DMD: variants seen among roughly 807,000 people sequenced by gnomAD.
DMD encodes the protein mutant dystrophin.
Under a neutral mutation model 330.1 loss-of-function variants are expected in DMD, and 63 were observed. The observed-to-expected ratio is 0.19, with a 90% CI of 0.16 to 0.24. The LOEUF is 0.24. DMD is among the 10% of genes least tolerant of loss of function. DMD has a pLI of 1.00. For missense variants in DMD, 3,344 were observed against 2,684.1 expected, an observed-to-expected ratio of 1.25 and a Z score of -5.43; for synonymous variants, 1,223 against 959.8, an observed-to-expected ratio of 1.27 and a Z score of -5.07.
At chrX:32,495,631 A>T (rs772411633) in intron 19 of DMD, among the ~76,000 whole-genome samples, 1 of 112,055 alleles carries the variant, frequency 8.9e-6, no homozygotes, top group Non-Finnish European at 1.9e-5. Flanking sequence ...ATTTTCTAAG[A>T]AAGTCCATTA....
intron 45 of DMD, among the ~76,000 whole-genome samples, chrX:31,964,791 A>C (rs755199394): frequency 5.8e-4 from 64 of 110,935 alleles, no homozygotes; most frequent in Non-Finnish European, 8.7e-4. Context: ...ATATGTTTGA[A>C]ATTTTTCACA....
rs867039261 is a variant in DMD at position 33,009,659 on chromosome X, T to A, written c.93+10480A>T. Among the ~76,000 whole-genome samples, 2 of 39,835 alleles carry A rather than the reference T, an allele frequency of 5.0e-5. 1 individual carries two copies. Among genetic ancestry groups the A allele is most frequent in the Non-Finnish European group, 1.0e-4 (2 of 19,606 alleles). 34.6% of individuals were successfully genotyped at this position (39,835 alleles called of 115,157 possible). ...GTATATACACATATGTGTGTATACG[T>A]GTATATGTGTATACGTATATGTGTA... On this transcript the variant is annotated intron_variant, in intron 2 of 78. Coordinates refer to ENST00000357033, the MANE Select transcript of DMD (RefSeq NM_004006.3).
At chrX:32,836,609 T>G (rs1366832547) in intron 4 of DMD, among the ~76,000 whole-genome samples, 3 of 111,644 alleles carry the variant, frequency 2.7e-5, no homozygotes, top group Non-Finnish European at 3.8e-5. Flanking sequence ...TTGATTCAAT[T>G]TATCTTTTTA....
At chrX:32,662,952 C>T (rs1015219601) in intron 9 of DMD, among the ~76,000 whole-genome samples, 3 of 112,109 alleles carry the variant, frequency 2.7e-5, no homozygotes, top group Non-Finnish European at 5.6e-5. Flanking sequence ...TAGGTTTTGG[C>T]ATCCAACAGA....
intron 48 of DMD, among the ~76,000 whole-genome samples, chrX:31,870,467 T>C (rs1001290587): frequency 5.4e-5 from 6 of 111,781 alleles, no homozygotes; most frequent in Non-Finnish European, 9.4e-5. Flanking sequence ...AATAAGCACA[T>C]TGACTAACCT....
chrX:32,473,078 G>A (rs1261978821), intron 21 of DMD, among the ~76,000 whole-genome samples: 1 of 111,085 alleles, frequency 9.0e-6, no homozygotes, highest in Admixed American at 9.7e-5. Flanking sequence ...TATATGAAAT[G>A]TGACTTAAGC....
chrX:32,333,845 C>G (rs150838009), intron 41 of DMD, among the ~76,000 whole-genome samples: 2 of 111,707 alleles, frequency 1.8e-5, no homozygotes, highest in Non-Finnish European at 1.9e-5. Flanking sequence ...TCTTCCTAGC[C>G]ATTAGGCTCT....
intron 12 of DMD, among the ~76,000 whole-genome samples, chrX:32,611,995 G>C (rs2057213736): frequency 9.0e-6 from 1 of 111,542 alleles, no homozygotes; most frequent in Non-Finnish European, 1.9e-5. Flanking sequence ...CTGGCTTCTA[G>C]TGGGAGAAGT....
chrX:31,801,245 G>A (rs1017997901), intron 50 of DMD, among the ~76,000 whole-genome samples: 1 of 111,643 alleles, frequency 9.0e-6, no homozygotes, highest in South Asian at 3.7e-4. Flanking sequence ...TGATAGGAGA[G>A]AGAATGAGTG....
At chrX:33,143,862 G>C (rs1381978763) in intron 1 of DMD, among the ~76,000 whole-genome samples, 1 of 110,395 alleles carries the variant, frequency 9.1e-6, no homozygotes, top group Non-Finnish European at 1.9e-5. Context: ...GATAATACAG[G>C]GAAAAAAATA....
intron 9 of DMD, among the ~76,000 whole-genome samples, chrX:32,682,390 C>T (rs773460516): frequency 3.7e-4 from 41 of 111,446 alleles, no homozygotes; most frequent in Middle Eastern, 4.6e-3. Context: ...TGACCGACTG[C>T]CTTTTACAAC....
At chrX:32,121,062 G>A (rs2096632775) in intron 44 of DMD, among the ~76,000 whole-genome samples, 1 of 112,090 alleles carries the variant, frequency 8.9e-6, no homozygotes, top group South Asian at 3.7e-4. Context: ...GCAAACGTTC[G>A]TTAGAAGTTA....
chrX:32,378,215 C>A (rs2147435246), intron 34 of DMD, among the ~76,000 whole-genome samples: 1 of 109,986 alleles, frequency 9.1e-6, no homozygotes, highest in Non-Finnish European at 1.9e-5. Flanking sequence ...AAGCTTGGCG[C>A]CAATTTGTGG....
intron 13 of DMD, among the ~76,000 whole-genome samples, chrX:32,579,895 C>G (rs1160717329): frequency 8.9e-6 from 1 of 112,731 alleles, no homozygotes; most frequent in African/African-American, 3.2e-5. Context: ...TACGCTATTT[C>G]AGTCAGTTTC....
At chrX:32,243,943 A>T (rs1463236555) in intron 43 of DMD, among the ~76,000 whole-genome samples, 1 of 67,747 alleles carries the variant, frequency 1.5e-5, no homozygotes, top group Admixed American at 2.1e-4. Flanking sequence ...AAATTCTAAC[A>T]AGAGGAACGA....
intron 44 of DMD, among the ~76,000 whole-genome samples, chrX:32,106,760 T>C (rs1156911981): frequency 8.9e-6 from 1 of 111,824 alleles, no homozygotes; most frequent in Non-Finnish European, 1.9e-5. Context: ...CTTAATAAAA[T>C]TATAGGGATT....
chrX:33,204,479 T>C (rs1035138317), intron 1 of DMD, among the ~76,000 whole-genome samples: 3 of 111,911 alleles, frequency 2.7e-5, no homozygotes, highest in African/African-American at 9.7e-5. Context: ...GAATATTTTT[T>C]TTTTCTCAGA....
At position 32,708,285 on chromosome X, in the gene DMD, G is replaced by GTTTTTT. The variant is rs11382915; in HGVS notation, c.650-8998_650-8993dup. The stretch of plus-strand genomic sequence containing the variant: ...CGCAGATATTGTACAAAATGATCAG[G>GTTTTTT]TTTTTTTTTTTTTGAAAAAAATATG... On this transcript the variant is annotated intron_variant, in intron 7 of 78. Transcript: ENST00000357033. 6.3e-4 allele frequency among the ~76,000 whole-genome samples: 63 copies of GTTTTTT among 100,292 alleles called. 1 individual carries two copies. The highest frequency in any genetic ancestry group is 2.1e-3 in the African/African-American group (57 of 27,507). 87.1% of individuals were successfully genotyped at this position (100,292 alleles called of 115,157 possible). A position where few individuals can be genotyped will look rare whatever the true frequency, so the allele number is the denominator to read the frequency against.
At position 32,531,560 on chromosome X, in the gene DMD, C is replaced by T. The variant is rs186455333; in HGVS notation, c.2169-13429G>A. On this transcript the variant is annotated intron_variant, in intron 17 of 78. Transcript: ENST00000357033. ...CAGGCTTTCAAAAAGAAAACTTAAT[C>T]GCTCAAGAAACCTTGTATGTTATCT... Among the ~76,000 whole-genome samples, 195 of 111,411 alleles carry T rather than the reference C, an allele frequency of 1.8e-3. 1 individual carries two copies. The highest frequency in any genetic ancestry group is 6.3e-3 in the African/African-American group (193 of 30,719).
Sources: gnomAD v4.1 joint callset for allele counts (sites outside exome capture counted in the v4.1 genomes callset) on GRCh38, gnomAD v4.1.1 for gene constraint, MANE v1.5 for transcripts, NCBI Gene and HGNC (gene_info 2026-07-23, HGNC 2026-07-21) for gene names.